DACH2: variants seen among roughly 807,000 people sequenced by gnomAD.
DACH2 encodes dachshund family transcription factor 2, also known as dachshund homolog 2.
In DACH2, 17 loss-of-function variants were observed where a neutral mutation model predicts 35.8. The observed-to-expected ratio is 0.48, with a 90% CI of 0.33 to 0.71. DACH2 has a LOEUF of 0.71. DACH2 is among the 30% of genes least tolerant of loss of function. DACH2 has a pLI of 0.02. For synonymous variants in DACH2, 195 were observed against 177.3 expected (o/e 1.10, Z -0.79); for missense variants, 469 against 472.7 (o/e 0.99, Z 0.07).
intron 3 of DACH2, among the ~76,000 whole-genome samples, chrX:86,592,088 A>T (rs2039654660): frequency 9.0e-6 from 1 of 111,087 alleles, no homozygotes. Flanking sequence ...ATATCTAAAA[A>T]GTCTTCATCA....
At chrX:86,280,056 C>A (rs947835913) in intron 1 of DACH2, among the ~76,000 whole-genome samples, 2 of 111,055 alleles carry the variant, frequency 1.8e-5, no homozygotes, top group African/African-American at 6.5e-5. Flanking sequence ...AGAACTTCCC[C>A]AATCTAGAAA....
At chrX:86,154,073 C>G (rs932566445) in intron 1 of DACH2, among the ~76,000 whole-genome samples, 4 of 111,485 alleles carry the variant, frequency 3.6e-5, no homozygotes, top group Admixed American at 2.9e-4. Context: ...GATATCAAGT[C>G]TGAATTATTT....
At chrX:86,151,379 C>T (rs1402451610) in intron 1 of DACH2, among the ~76,000 whole-genome samples, 2 of 111,413 alleles carry the variant, frequency 1.8e-5, no homozygotes, top group African/African-American at 6.5e-5. Context: ...ATTGCATTTT[C>T]TTTTCTTTAC....
intron 1 of DACH2, among the ~76,000 whole-genome samples, chrX:86,158,202 C>T (rs1166148447): frequency 9.0e-6 from 1 of 111,375 alleles, no homozygotes; most frequent in Non-Finnish European, 1.9e-5. Context: ...GATATGGTTC[C>T]CCTTTTGGGT....
At chrX:86,219,377 G>T (rs73514017) in intron 1 of DACH2, among the ~76,000 whole-genome samples, 2 of 110,643 alleles carry the variant, frequency 1.8e-5, no homozygotes, top group African/African-American at 6.6e-5. Flanking sequence ...ATGTGTCATG[G>T]GGGTTTATCG....
At chrX:86,650,225 T>C (rs1332326617) in intron 3 of DACH2, among the ~76,000 whole-genome samples, 1 of 108,601 alleles carries the variant, frequency 9.2e-6, no homozygotes, top group East Asian at 3.1e-4. Flanking sequence ...GAGCTTTATT[T>C]TAATATCTGA....
intron 1 of DACH2, among the ~76,000 whole-genome samples, chrX:86,372,788 A>T (rs745867458): frequency 6.2e-4 from 69 of 110,893 alleles, no homozygotes; most frequent in African/African-American, 2.1e-3. Flanking sequence ...AGAGCATAGT[A>T]CCTAATAGGG....
chrX:86,764,836 C>T (rs1231243901), intron 7 of DACH2, among the ~76,000 whole-genome samples: 1 of 112,215 alleles, frequency 8.9e-6, no homozygotes, highest in Non-Finnish European at 1.9e-5. Context: ...AACTAATTTG[C>T]ATTCCCACCA....
intron 2 of DACH2, among the ~76,000 whole-genome samples, chrX:86,488,300 A>G (rs988808372): frequency 8.9e-6 from 1 of 111,766 alleles, no homozygotes; most frequent in Non-Finnish European, 1.9e-5. Flanking sequence ...CTGTGTGATC[A>G]CAGATAGGCA....
intron 7 of DACH2, among the ~76,000 whole-genome samples, chrX:86,773,838 T>A: frequency 8.9e-6 from 1 of 112,100 alleles, no homozygotes; most frequent in Non-Finnish European, 1.9e-5. Context: ...CCCTTTCTGA[T>A]CATGCCCATT....
At chrX:86,297,108 G>C (rs946390181) in intron 1 of DACH2, among the ~76,000 whole-genome samples, 194 of 103,945 alleles carry the variant, frequency 1.9e-3, no homozygotes, top group African/African-American at 6.6e-3. Context: ...CATTACAATT[G>C]TACACATAGG....
At chrX:86,683,682 AAAGTT>A (rs2040908614) in intron 4 of DACH2, among the ~76,000 whole-genome samples, 1 of 111,591 alleles carries the variant, frequency 9.0e-6, no homozygotes, top group African/African-American at 3.2e-5. Flanking sequence ...ACAAGTTAAT[AAAGTT>A]AATACCCTAT....
At chrX:86,454,684 T>A (rs1198235836) in intron 2 of DACH2, among the ~76,000 whole-genome samples, 1 of 111,877 alleles carries the variant, frequency 8.9e-6, no homozygotes, top group Non-Finnish European at 1.9e-5. Flanking sequence ...TTATTTGTCA[T>A]GATTCTTAGC....
At chrX:86,676,927 A>T (rs1223047962) in intron 4 of DACH2, among the ~76,000 whole-genome samples, 2 of 111,709 alleles carry the variant, frequency 1.8e-5, no homozygotes, top group African/African-American at 6.5e-5. Context: ...TAAATTTATT[A>T]GTTTAGTTTT....
At chrX:86,688,921 T>G (rs2040978797) in intron 4 of DACH2, among the ~76,000 whole-genome samples, 2 of 111,945 alleles carry the variant, frequency 1.8e-5, no homozygotes, top group Admixed American at 1.9e-4. Flanking sequence ...AATTTTTTCA[T>G]TCTTTTTACT....
intron 7 of DACH2, among the ~76,000 whole-genome samples, chrX:86,781,863 G>A (rs1301173733): frequency 9.0e-6 from 1 of 111,600 alleles, no homozygotes; most frequent in East Asian, 2.8e-4. Context: ...GATATAAAGG[G>A]CATCCATATT....
chrX:86,465,856 T>C (rs1468589274), intron 2 of DACH2, among the ~76,000 whole-genome samples: 1 of 111,949 alleles, frequency 8.9e-6, no homozygotes, highest in Non-Finnish European at 1.9e-5. Context: ...AGACTCACTT[T>C]ATTTTGCTAT....
At chrX:86,174,570 G>A (rs1274099222) in intron 1 of DACH2, among the ~76,000 whole-genome samples, 2 of 112,332 alleles carry the variant, frequency 1.8e-5, no homozygotes, top group African/African-American at 3.2e-5. Flanking sequence ...ATTGAACTAA[G>A]AAACTTCTGT....
chrX:86,191,927 C>A (rs764404845), intron 1 of DACH2, among the ~76,000 whole-genome samples: 1 of 111,429 alleles, frequency 9.0e-6, no homozygotes, highest in Admixed American at 9.6e-5. Context: ...GGTGACAGAG[C>A]GAGACTCCAT....
Sources: allele counts gnomAD v4.1 joint callset (sites outside exome capture counted in the v4.1 genomes callset), GRCh38; gene constraint gnomAD v4.1.1; transcripts MANE v1.5; gene names NCBI Gene and HGNC (gene_info 2026-07-23, HGNC 2026-07-21).